The following ME2 variants were observed in gnomAD, a reference collection of about 807,000 sequenced individuals.
ME2 encodes the protein malic enzyme 2, also known as NAD-dependent malic enzyme, mitochondrial.
ME2 carries 60 observed loss-of-function variants against 73.7 expected under a neutral mutation model. That is an observed-to-expected ratio of 0.81 (90% CI 0.66 to 1.01). The LOEUF is 1.01. ME2 is among the 50% of genes least tolerant of loss of function. ME2 has a pLI of 0.00. For missense variants in ME2, 594 were observed against 705.5 expected (o/e 0.84, Z 1.79); for synonymous variants, 199 against 236.9 (o/e 0.84, Z 1.47).
intron 6 of ME2, 39 bp downstream of exon 6, chr18:50,917,547 A>G (rs772729703): frequency 1.4e-6 from 2 of 1,411,876 alleles, no homozygotes; most frequent in African/African-American, 1.4e-5. Flanking sequence ...TTCCTCCTGT[A>G]TTTTTTAAAA....
Position 50,925,889 on chromosome 18 carries a change from A to C in ME2, c.1305A>C (p.Thr435=). ...AGTGCACGGCTGAAGAAGCATATAC[A>C]CTTACAGAGGTATTAATAATCACAT... ...QAECTAEEAY[T]LTEGRCLFAS... is the part of the protein sequence containing the mutation. Residue 435 remains threonine, a synonymous_variant, in exon 12 of 16, where the codon ACA becomes ACC. Coordinates refer to ENST00000321341, the MANE Select transcript of ME2 (RefSeq NM_002396.5). 6.2e-7 allele frequency: 1 copy of C among 1,605,274 alleles called. No individual in the cohort carries two copies. The highest frequency in any genetic ancestry group is 1.7e-5 in the Admixed American group (1 of 59,908).
chr18:50,912,612 T>C (rs1452955670), intron 3 of ME2, among the ~76,000 whole-genome samples, 189 bp from the exon 4 acceptor site: 5 of 152,172 alleles, frequency 3.3e-5, no homozygotes, highest in Admixed American at 3.3e-4. Context: ...TTAAGTACCC[T>C]CATATTTTTG....
chr18:50,945,277 C>T (rs1052340929), intron 15 of ME2: 10 of 152,358 alleles, frequency 6.6e-5, no homozygotes, highest in South Asian at 6.2e-4. Context: ...GCCACCACGC[C>T]TGACTAATTT....
rs1314103832 is a variant in ME2, at chr18:50,954,144, A to C, written c.*6960A>C. 1 of 152,244 alleles carries C rather than the reference A, an allele frequency of 6.6e-6. No individual in the cohort carries two copies. The highest frequency in any genetic ancestry group is 1.9e-4 in the East Asian group (1 of 5,202). The allele number at this position is 152,244 out of a possible 1,614,324, so 9.4% of individuals were successfully genotyped here. On this transcript the variant is annotated 3_prime_UTR_variant, in exon 16 of 16. Transcript: ENST00000321341. The stretch of plus-strand genomic sequence containing the variant: ...AGATTGACTTGTTAAAAATGGTTCC[A>C]AGAATCAGTCTAAAAACTTCAGAAT...
intron 3 of ME2, among the ~76,000 whole-genome samples, chr18:50,910,926 A>G (rs1323403107): frequency 1.3e-5 from 2 of 152,216 alleles, no homozygotes; most frequent in Non-Finnish European, 2.9e-5. Context: ...GAAGCAGTCA[A>G]AGAGCTAGAG....
At chr18:50,905,227 C>T (rs1026621245) in intron 2 of ME2, among the ~76,000 whole-genome samples, 8 of 152,118 alleles carry the variant, frequency 5.3e-5, no homozygotes, top group African/African-American at 9.7e-5. Flanking sequence ...CCTCATGAAC[C>T]ACCCACCTAA....
At chr18:50,896,222 G>A (rs1916741305) in intron 2 of ME2, among the ~76,000 whole-genome samples, 1 of 152,092 alleles carries the variant, frequency 6.6e-6, no homozygotes, top group African/African-American at 2.4e-5. Context: ...CAGGACTTTG[G>A]GCCACATGTG....
In ME2 at chr18:50,924,665, G is replaced by A. The variant is rs147880732; in HGVS notation, c.1171+453G>A. On this transcript the variant is annotated intron_variant, in intron 11 of 15. Coordinates refer to ENST00000321341, the MANE Select transcript of ME2 (RefSeq NM_002396.5). ...GTTTAAAAGAGGAGCTATTTAATTT[G>A]CTGTATAGCTGTAAGTTTTTTTGTT... 1.3e-4 allele frequency among the ~76,000 whole-genome samples: 20 copies of A among 152,032 alleles called. No individual in the cohort carries two copies. The East Asian group carries it at 3.9e-3, about 29-fold the overall frequency.
rs771196972 is a variant in ME2 at position 50,917,376 on chromosome 18, T to C, written c.498T>C (p.Ile166=). Residue 166 remains isoleucine, a synonymous_variant, in exon 6 of 16, where the codon ATT becomes ATC. Transcript: ENST00000321341. ...KAVVVTDGER[I]LGLGDLGVYG... The stretch of plus-strand genomic sequence containing the variant: ...TTGTAGTGACTGATGGAGAGAGAAT[T>C]CTGGGTCTTGGAGATCTGGGTGTCT... The C allele has an allele frequency of 1.1e-5, 17 of 1,613,618 alleles. No homozygotes were observed.
rs1918248001 is a variant in ME2, at chr18:50,952,700, C to A, written c.*5516C>A. 6.6e-6 allele frequency: 1 copy of A among 152,094 alleles called. No homozygotes were observed. Among genetic ancestry groups the A allele is most frequent in the African/African-American group, 2.4e-5 (1 of 41,406 alleles). 9.4% of individuals were successfully genotyped at this position (152,094 alleles called of 1,614,324 possible). A position where few individuals can be genotyped will look rare whatever the true frequency, so the allele number is the denominator to read the frequency against. On this transcript the variant is annotated 3_prime_UTR_variant, in exon 16 of 16. Coordinates refer to ENST00000321341, the MANE Select transcript of ME2 (RefSeq NM_002396.5). ...GGTTTTCAGGATTTTCTTTTATGTT[C>A]TAGAAAAGTAATTTTTCCTTTCCTA...
At chr18:50,932,115 AG>A in intron 12 of ME2, 142 bp from the exon 13 acceptor site, 1 of 528,666 alleles carries the variant, frequency 1.9e-6, no homozygotes, top group South Asian at 3.8e-5. Context: ...TGTAACGAAA[AG>A]ATTGTTATAT....
chr18:50,947,238 C>A lies in ME2; in HGVS notation c.*54C>A. On this transcript the variant is annotated 3_prime_UTR_variant, in exon 16 of 16. Transcript: ENST00000321341. The stretch of plus-strand genomic sequence containing the variant: ...GCTCCAGGGAACCCCTTTTTTCAGA[C>A]AAGAAGAGATAATGTCTTCAGTTTT... 6.5e-7 allele frequency: 1 copy of A among 1,532,524 alleles called. No individual in the cohort carries two copies. Among genetic ancestry groups the A allele is most frequent in the Non-Finnish European group, 8.9e-7 (1 of 1,121,508 alleles). 94.9% of individuals were successfully genotyped at this position (1,532,524 alleles called of 1,614,324 possible). A position where few individuals can be genotyped will look rare whatever the true frequency, so the allele number is the denominator to read the frequency against.
intron 2 of ME2, among the ~76,000 whole-genome samples, chr18:50,906,470 G>T (rs745775152): frequency 6.6e-6 from 1 of 151,982 alleles, no homozygotes; most frequent in Non-Finnish European, 1.5e-5. Flanking sequence ...ATGCCACCAC[G>T]CCCGGCTAAT....
At chr18:50,931,329 A>G (rs1419081948) in intron 12 of ME2, among the ~76,000 whole-genome samples, 2 of 152,236 alleles carry the variant, frequency 1.3e-5, no homozygotes, top group Non-Finnish European at 2.9e-5. Flanking sequence ...TGGGTATTAT[A>G]GCATCATTGA....
chr18:50,900,364 G>C (rs750255695), intron 2 of ME2, among the ~76,000 whole-genome samples: 8 of 151,318 alleles, frequency 5.3e-5, no homozygotes, highest in Non-Finnish European at 1.2e-4. Context: ...GCGTGATCTC[G>C]GCTCACTGCA....
At chr18:50,894,112 A>G (rs1490396782) in intron 1 of ME2, among the ~76,000 whole-genome samples, 37 of 152,234 alleles carry the variant, frequency 2.4e-4, no homozygotes, top group Non-Finnish European at 1.5e-5. Flanking sequence ...ATGAAACTCT[A>G]AGCCTCATAC....
At chr18:50,899,483 G>T (rs1487446369) in intron 2 of ME2, among the ~76,000 whole-genome samples, 1 of 152,106 alleles carries the variant, frequency 6.6e-6, no homozygotes, top group African/African-American at 2.4e-5. Context: ...CAAGCACTGT[G>T]GTGCATGCCT....
intron 5 of ME2, 93 bp downstream of exon 5, chr18:50,916,336 C>T: frequency 9.9e-7 from 1 of 1,011,710 alleles, no homozygotes; most frequent in Non-Finnish European, 1.5e-6. Flanking sequence ...TTGTTGCTCT[C>T]ATTTATTTTG....
At chr18:50,899,915 A>G (rs1916846266) in intron 2 of ME2, among the ~76,000 whole-genome samples, 1 of 152,222 alleles carries the variant, frequency 6.6e-6, no homozygotes, top group Admixed American at 6.5e-5. Flanking sequence ...GAATGCATAA[A>G]CAGATGAGCA....
Sources: gnomAD v4.1 joint callset for allele counts (sites outside exome capture counted in the v4.1 genomes callset) on GRCh38, gnomAD v4.1.1 for gene constraint, MANE v1.5 for transcripts, NCBI Gene and HGNC (gene_info 2026-07-23, HGNC 2026-07-21) for gene names.